The following ATP5F1B variants were observed in gnomAD, a reference collection of about 807,000 sequenced individuals.
ATP5F1B encodes the protein ATP synthase F1 subunit beta, also known as ATP synthase F(1) complex subunit beta, mitochondrial.
In ATP5F1B, 17 loss-of-function variants were observed where a neutral mutation model predicts 45.9. That is an observed-to-expected ratio of 0.37 (90% CI 0.25 to 0.56). ATP5F1B has a LOEUF of 0.56. ATP5F1B is among the 20% of genes least tolerant of loss of function. The probability of loss-of-function intolerance (pLI) is 0.80; values close to 1 mark genes in which losing one functional copy is unlikely to be tolerated. For synonymous variants in ATP5F1B, 218 were observed against 256.5 expected (o/e 0.85, Z 1.43); for missense variants, 387 against 673.2 (o/e 0.57, Z 4.70).
chr12:56,641,529 G>A (rs1951511969), intron 7 of ATP5F1B, among the ~76,000 whole-genome samples: 1 of 151,698 alleles, frequency 6.6e-6, no homozygotes, highest in African/African-American at 2.4e-5. Flanking sequence ...AAAATGTATA[G>A]TACATTAATG....
chr12:56,640,558 C>T (rs1951504371), intron 7 of ATP5F1B, among the ~76,000 whole-genome samples: 1 of 152,072 alleles, frequency 6.6e-6, no homozygotes, highest in African/African-American at 2.4e-5. Context: ...AGCCATCCCC[C>T]TTTCTGACCT....
chr12:56,643,734 C>T (rs377347408), intron 4 of ATP5F1B, 103 bp downstream of exon 4: 9 of 1,577,318 alleles, frequency 5.7e-6, no homozygotes, highest in Admixed American at 3.3e-5. Flanking sequence ...AAAGTCAGAA[C>T]GTACTCATCA....
intron 9 of ATP5F1B, 50 bp from the exon 10 acceptor site, chr12:56,638,473 A>C (rs766460676): frequency 4.0e-5 from 55 of 1,372,954 alleles, no homozygotes; most frequent in Non-Finnish European, 5.5e-5. Flanking sequence ...GAGGGATATC[A>C]ACTTTCTGCA....
chr12:56,638,561 C>T, intron 9 of ATP5F1B, 138 bp from the exon 10 acceptor site: 1 of 708,846 alleles, frequency 1.4e-6, no homozygotes, highest in Non-Finnish European at 2.4e-6. Flanking sequence ...GCTTAAATTT[C>T]CCTCACAAAT....
At position 56,645,354 on chromosome 12, in the gene ATP5F1B, C is replaced by T; in HGVS notation, c.128-1G>A. ...GATGTTTGCGCCGCATAGTCCCTGA[C>T]TAACAGACAAAAGATATTGGAAGGA... On this transcript the variant is annotated splice_acceptor_variant, in intron 1 of 9. Transcript: ENST00000262030. LOFTEE classifies it high-confidence loss of function. The T allele has an allele frequency of 6.2e-7, 1 of 1,612,018 alleles. No individual in the cohort carries two copies. The highest frequency in any genetic ancestry group is 8.5e-7 in the Non-Finnish European group (1 of 1,178,666).
chr12:56,642,454 T>G lies in ATP5F1B; in HGVS notation c.1074+4A>C. On this transcript the variant is annotated splice_donor_region_variant and intron_variant, in intron 7 of 9. Transcript: ENST00000262030. ...CAGATCTTCATCTATGTAATTTTTC[T>G]TACCTGTACAGAGGTGATAGATCCC... The G allele has an allele frequency of 6.2e-7, 1 of 1,613,688 alleles. No homozygotes were observed. The highest frequency in any genetic ancestry group is 1.1e-5 in the South Asian group (1 of 91,038).
chr12:56,643,098 A>C, intron 5 of ATP5F1B: 1 of 508,206 alleles, frequency 2.0e-6, no homozygotes, highest in Non-Finnish European at 3.4e-6. Context: ...AAACATATGT[A>C]CCACGTCCAA....
At chr12:56,642,328 C>T in intron 7 of ATP5F1B, 130 bp downstream of exon 7, 1 of 1,332,772 alleles carries the variant, frequency 7.5e-7, no homozygotes, top group Non-Finnish European at 1.0e-6. Flanking sequence ...TACATACATA[C>T]AGCTTTGTTC....
At chr12:56,638,931 G>A (rs1344193082) in intron 9 of ATP5F1B, among the ~76,000 whole-genome samples, 175 bp downstream of exon 9, 2 of 152,170 alleles carry the variant, frequency 1.3e-5, no homozygotes, top group Non-Finnish European at 2.9e-5. Flanking sequence ...AGAGAATCAA[G>A]TAACAAATCA....
chr12:56,638,438 AG>A lies in ATP5F1B; in HGVS notation c.1490-16del. 6.4e-7 allele frequency: 1 copy of A among 1,561,998 alleles called. No individual in the cohort carries two copies. ...GTCATATTCACCTGTATGATGGGGGAGAAAAAAAAAAAGAGTAAGAAGCGGA... is the reference window on the plus strand; with the variant it reads ...GTCATATTCACCTGTATGATGGGGGAAAAAAAAAAAAGAGTAAGAAGCGGA... On this transcript the variant is annotated splice_polypyrimidine_tract_variant and intron_variant, in intron 9 of 9. Transcript: ENST00000262030.
chr12:56,638,538 G>A (rs754895209), intron 9 of ATP5F1B, 115 bp from the exon 10 acceptor site: 419 of 797,964 alleles, frequency 5.3e-4, no homozygotes, highest in Non-Finnish European at 5.8e-4. Context: ...ATGAATTCAT[G>A]TCATCTTAGA....
intron 3 of ATP5F1B, 114 bp from the exon 4 acceptor site, chr12:56,644,072 G>A: frequency 8.4e-7 from 1 of 1,186,748 alleles, no homozygotes; most frequent in Non-Finnish European, 1.2e-6. Context: ...AGGAACCACA[G>A]TCTTACCTCC....
chr12:56,638,493 A>G, intron 9 of ATP5F1B, 70 bp from the exon 10 acceptor site: 1 of 1,159,468 alleles, frequency 8.6e-7, no homozygotes, highest in East Asian at 2.3e-5. Context: ...ATCATGTAAC[A>G]TTCCTCACCA....
At chr12:56,643,185 C>G in intron 5 of ATP5F1B, 1 of 495,838 alleles carries the variant, frequency 2.0e-6, no homozygotes, top group Non-Finnish European at 3.5e-6. Flanking sequence ...TATTTAATGT[C>G]AGTATCAAAG....
intron 7 of ATP5F1B, among the ~76,000 whole-genome samples, chr12:56,640,710 CTTTTA>C (rs1284868839): frequency 6.6e-6 from 1 of 151,950 alleles, no homozygotes; most frequent in Non-Finnish European, 1.5e-5. Context: ...TGTTCTTCAT[CTTTTA>C]TTTTAACTAT....
chr12:56,642,788 C>T lies in ATP5F1B; in HGVS notation c.836G>A (p.Arg279His). 6.2e-7 allele frequency: 1 copy of T among 1,614,112 alleles called. No homozygotes were observed. The highest frequency in any genetic ancestry group is 8.5e-7 in the Non-Finnish European group (1 of 1,180,016). Residue 279 changes from arginine to histidine, a missense_variant, in exon 6 of 10, where the codon CGT becomes CAT. Physicochemically the swap from Arg to His is conservative, Grantham distance 29. Around this residue, in one of 6 missense-constraint regions of ATP5F1B, gnomAD observed 154 missense variants for 361.4 expected, o/e 0.43. Transcript: ENST00000262030. ...CAGCCCAGTCAGAGCTACCCGGGCACGAGCACCAGGTGGTTCATTCATTTG... is the reference window on the plus strand; with the variant it reads ...CAGCCCAGTCAGAGCTACCCGGGCATGAGCACCAGGTGGTTCATTCATTTG... Reference protein sequence around the residue: ...YGQMNEPPGARARVALTGLTV... With the variant: ...YGQMNEPPGAHARVALTGLTV...
intron 7 of ATP5F1B, among the ~76,000 whole-genome samples, chr12:56,640,422 GT>G (rs1179037663): frequency 2.6e-5 from 4 of 152,006 alleles, no homozygotes; most frequent in Non-Finnish European, 5.9e-5. Flanking sequence ...TAGAGACGGG[GT>G]TTCACTATCT....
rs966693186 is a variant in ATP5F1B at position 56,639,924 on chromosome 12, C to G, written c.1287+56G>C. ...GAAAGATCCAGTCCTCATATAGTCC[C>G]CACAGGCCCTCTTTTTGACTTTCCG... On this transcript the variant is annotated intron_variant, in intron 8 of 9. Transcript: ENST00000262030. 25 of 1,575,830 alleles carry G rather than the reference C, an allele frequency of 1.6e-5. No homozygotes were observed. In the African/African-American group the frequency reaches 2.3e-4, roughly 14 times the overall value.
At chr12:56,641,982 T>C (rs1951515482) in intron 7 of ATP5F1B, among the ~76,000 whole-genome samples, 2 of 152,192 alleles carry the variant, frequency 1.3e-5, no homozygotes, top group South Asian at 4.2e-4. Flanking sequence ...TACATTTAAA[T>C]GTATACCTTC....
Sources: gnomAD v4.1 joint callset for allele counts (sites outside exome capture counted in the v4.1 genomes callset) on GRCh38, gnomAD v4.1.1 for gene constraint, gnomAD v4.1.1 regional missense constraint, MANE v1.5 for transcripts, NCBI Gene and HGNC (gene_info 2026-07-23, HGNC 2026-07-21) for gene names.